DPP10: variants seen among roughly 807,000 people sequenced by gnomAD.
DPP10 encodes the protein dipeptidyl peptidase like 10.
Under a neutral mutation model 120.9 loss-of-function variants are expected in DPP10, and 33 were observed. That is an observed-to-expected ratio of 0.27 (90% CI 0.21 to 0.37). The LOEUF (loss-of-function observed/expected upper bound fraction) is 0.37, where lower values mean the gene tolerates loss of function less well. Ranked by LOEUF, DPP10 falls within the 10% of genes least tolerant of loss-of-function variation. The probability of loss-of-function intolerance (pLI) is 1.00; values close to 1 mark genes in which losing one functional copy is unlikely to be tolerated. For missense variants in DPP10, 816 were observed against 942.8 expected (o/e 0.87, Z 1.76); for synonymous variants, 337 against 326.1 (o/e 1.03, Z -0.36).
chr2:115,130,574 T>C (rs953808153), intron 1 of DPP10, among the ~76,000 whole-genome samples: 1 of 152,110 alleles, frequency 6.6e-6, no homozygotes, highest in Admixed American at 6.6e-5. Context: ...TTAATCTCTC[T>C]ATACATTTTT....
At chr2:114,744,630 T>C (rs1678392948) in intron 1 of DPP10, among the ~76,000 whole-genome samples, 1 of 152,182 alleles carries the variant, frequency 6.6e-6, no homozygotes, top group Non-Finnish European at 1.5e-5. Context: ...TGGTGTTACA[T>C]GTAGAAGAGG....
chr2:114,783,353 G>A (rs998961755), intron 1 of DPP10, among the ~76,000 whole-genome samples: 9 of 152,056 alleles, frequency 5.9e-5, no homozygotes, highest in Admixed American at 2.0e-4. Context: ...GAAATTCGAA[G>A]GTAACTATTT....
chr2:114,550,915 T>A (rs1025410893), intron 1 of DPP10, among the ~76,000 whole-genome samples: 1 of 152,224 alleles, frequency 6.6e-6, no homozygotes, highest in African/African-American at 2.4e-5. Context: ...GACGAGTTAC[T>A]TATCTCTGAG....
chr2:115,441,841 G>C (rs1231860497), intron 3 of DPP10, among the ~76,000 whole-genome samples: 1 of 125,628 alleles, frequency 8.0e-6, no homozygotes, highest in Non-Finnish European at 1.6e-5. Context: ...TTTTTTGACA[G>C]AGTCTCGCTG....
chr2:115,471,621 C>T lies in DPP10; in HGVS notation c.272-27889C>T, dbSNP rs148111339. Among the ~76,000 whole-genome samples the T allele has an allele frequency of 5.1e-3, 772 of 150,914 alleles. 8 individuals carry two copies. Among genetic ancestry groups the T allele is most frequent in the African/African-American group, 0.018 (733 of 41,068 alleles). On this transcript the variant is annotated intron_variant, in intron 3 of 25. Transcript: ENST00000410059. The stretch of plus-strand genomic sequence containing the variant: ...TTTTTTTTTGAGACAAGGTCTCACA[C>T]TCTCACACAGACTGGAGTGCAGTGG...
At chr2:115,446,451 C>T (rs1378154779) in intron 3 of DPP10, among the ~76,000 whole-genome samples, 1 of 152,132 alleles carries the variant, frequency 6.6e-6, no homozygotes, top group Non-Finnish European at 1.5e-5. Flanking sequence ...AAGAAAGAAA[C>T]ATGAAAAGCA....
At chr2:115,404,953 A>G (rs2068399876) in intron 3 of DPP10, among the ~76,000 whole-genome samples, 1 of 152,196 alleles carries the variant, frequency 6.6e-6, no homozygotes, top group Non-Finnish European at 1.5e-5. Context: ...GTTCAACATG[A>G]GTTTTGGTAG....
intron 1 of DPP10, among the ~76,000 whole-genome samples, chr2:115,151,969 T>G (rs2051590896): frequency 6.6e-6 from 1 of 152,164 alleles, no homozygotes. Flanking sequence ...TTTCTTTTCT[T>G]TCTAATTTTT....
chr2:115,316,852 A>G (rs1379853758), intron 2 of DPP10, among the ~76,000 whole-genome samples: 5 of 152,188 alleles, frequency 3.3e-5, no homozygotes, highest in African/African-American at 1.2e-4. Context: ...TCATGCCTGT[A>G]ATCCCAGCAC....
intron 1 of DPP10, among the ~76,000 whole-genome samples, chr2:114,574,330 C>T (rs1219830911): frequency 6.6e-6 from 1 of 152,164 alleles, no homozygotes; most frequent in Non-Finnish European, 1.5e-5. Flanking sequence ...AAATCTCCCT[C>T]TCTAGCAGGG....
chr2:114,656,428 G>A (rs1398672697), intron 1 of DPP10, among the ~76,000 whole-genome samples: 1 of 152,122 alleles, frequency 6.6e-6, no homozygotes, highest in African/African-American at 2.4e-5. Context: ...AGGAGAGGAC[G>A]GAAGGGGGAA....
intron 10 of DPP10, among the ~76,000 whole-genome samples, chr2:115,747,528 C>G (rs1004859516): frequency 6.6e-6 from 1 of 151,712 alleles, no homozygotes; most frequent in Non-Finnish European, 1.5e-5. Flanking sequence ...AGTCACATGT[C>G]TACCACCATT....
At chr2:115,380,963 T>C (rs1317885184) in intron 3 of DPP10, among the ~76,000 whole-genome samples, 1 of 152,210 alleles carries the variant, frequency 6.6e-6, no homozygotes, top group Non-Finnish European at 1.5e-5. Context: ...TAACCTGACC[T>C]TTCTCTCTGG....
chr2:115,270,237 T>C (rs1308419645), intron 1 of DPP10, among the ~76,000 whole-genome samples: 1 of 151,954 alleles, frequency 6.6e-6, no homozygotes, highest in African/African-American at 2.4e-5. Flanking sequence ...TGGGTATGGA[T>C]GTATTGGTCA....
chr2:115,484,564 G>T lies in DPP10; in HGVS notation c.272-14946G>T, dbSNP rs185235996. 7.0e-3 allele frequency among the ~76,000 whole-genome samples: 1,068 copies of T among 152,160 alleles called. 12 individuals are homozygous for T. The highest frequency in any genetic ancestry group is 7.5e-3 in the Non-Finnish European group (509 of 67,998). On this transcript the variant is annotated intron_variant, in intron 3 of 25. Coordinates refer to ENST00000410059, the MANE Select transcript of DPP10 (RefSeq NM_020868.6). ...GAGAACCCTGGAAAATATAGTTTTG[G>T]TTTTTTTATGTTGTCTTGAAAGTGA...
At chr2:115,025,623 C>T (rs542307847) in intron 1 of DPP10, among the ~76,000 whole-genome samples, 1 of 152,254 alleles carries the variant, frequency 6.6e-6, no homozygotes, top group South Asian at 2.1e-4. Context: ...TTCCCACCAA[C>T]AGTGTACCAG....
At chr2:115,072,072 G>A (rs1288125775) in intron 1 of DPP10, among the ~76,000 whole-genome samples, 1 of 152,060 alleles carries the variant, frequency 6.6e-6, no homozygotes, top group East Asian at 1.9e-4. Context: ...ATAAAGAAGA[G>A]GGACACTGTA....
intron 1 of DPP10, among the ~76,000 whole-genome samples, chr2:114,988,855 T>G (rs959322675): frequency 4.7e-4 from 71 of 152,266 alleles, no homozygotes; most frequent in African/African-American, 1.4e-3. Context: ...ACTGTAGCAA[T>G]TTCAGCCTTG....
chr2:114,894,913 A>G (rs1692841247), intron 1 of DPP10, among the ~76,000 whole-genome samples: 1 of 152,198 alleles, frequency 6.6e-6, no homozygotes. Flanking sequence ...TTAAATAGAG[A>G]AAAGGAAATA....
Sources: allele counts gnomAD v4.1 joint callset (sites outside exome capture counted in the v4.1 genomes callset), GRCh38; gene constraint gnomAD v4.1.1; transcripts MANE v1.5; gene names NCBI Gene and HGNC (gene_info 2026-07-23, HGNC 2026-07-21).